Variants in SCFD2 observed in about 807,000 individuals in gnomAD.
SCFD2 encodes the protein sec1 family domain containing 2.
SCFD2 carries 54 observed loss-of-function variants against 58.9 expected under a neutral mutation model. The ratio of observed to expected loss-of-function variants is 0.92; its 90% CI spans 0.74 to 1.15. SCFD2 has a LOEUF of 1.15. Ranked by LOEUF, SCFD2 falls within the 50% of genes most tolerant of loss-of-function variation. SCFD2 has a pLI of 0.00. For missense variants in SCFD2, 805 were observed against 836.6 expected (o/e 0.96, Z 0.47); for synonymous variants, 321 against 335.9 (o/e 0.96, Z 0.49).
intron 4 of SCFD2, among the ~76,000 whole-genome samples, chr4:53,236,868 T>C (rs1298379610): frequency 1.3e-5 from 2 of 151,486 alleles, no homozygotes; most frequent in African/African-American, 4.9e-5. Context: ...TATTGATAAT[T>C]CTTGGGTGTT....
intron 4 of SCFD2, among the ~76,000 whole-genome samples, chr4:53,262,424 A>C (rs1730856578): frequency 6.6e-6 from 1 of 152,186 alleles, no homozygotes; most frequent in South Asian, 2.1e-4. Flanking sequence ...AACTCCTTTC[A>C]GCAGTCTTGT....
At chr4:53,247,887 A>T (rs1730159164) in intron 4 of SCFD2, among the ~76,000 whole-genome samples, 1 of 151,292 alleles carries the variant, frequency 6.6e-6, no homozygotes, top group African/African-American at 2.4e-5. Context: ...AAAAAAAAAA[A>T]AAAAAATAAC....
At chr4:52,954,845 TA>T (rs1720673945) in intron 5 of SCFD2, among the ~76,000 whole-genome samples, 1 of 152,170 alleles carries the variant, frequency 6.6e-6, no homozygotes, top group Non-Finnish European at 1.5e-5. Flanking sequence ...TTCCAGGCCA[TA>T]AAAGAGACAT....
intron 1 of SCFD2, among the ~76,000 whole-genome samples, chr4:53,361,874 A>C (rs1214519316): frequency 2.6e-5 from 4 of 152,152 alleles, no homozygotes; most frequent in African/African-American, 7.2e-5. Flanking sequence ...AATTAGAAAA[A>C]ATAAGTGTGT....
chr4:53,057,778 G>C (rs1723389702), intron 5 of SCFD2, among the ~76,000 whole-genome samples: 1 of 152,070 alleles, frequency 6.6e-6, no homozygotes, highest in Non-Finnish European at 1.5e-5. Context: ...AGAATAATTA[G>C]AGGCCTCTCA....
chr4:53,323,246 T>C (rs1352764699), intron 2 of SCFD2, among the ~76,000 whole-genome samples: 1 of 152,222 alleles, frequency 6.6e-6, no homozygotes, highest in Non-Finnish European at 1.5e-5. Context: ...ATTGCCCCTA[T>C]TATTAACTAT....
intron 4 of SCFD2, among the ~76,000 whole-genome samples, chr4:53,158,345 C>G (rs1390323783): frequency 6.6e-6 from 1 of 152,204 alleles, no homozygotes; most frequent in Non-Finnish European, 1.5e-5. Context: ...CCAGCCAAAA[C>G]TACCTATTGG....
At chr4:53,178,937 A>T (rs935608161) in intron 4 of SCFD2, among the ~76,000 whole-genome samples, 1 of 152,156 alleles carries the variant, frequency 6.6e-6, no homozygotes, top group Non-Finnish European at 1.5e-5. Flanking sequence ...AAGTGAGAAG[A>T]GAAGTTTAGA....
intron 4 of SCFD2, among the ~76,000 whole-genome samples, chr4:53,252,941 G>C (rs1220238253): frequency 1.3e-5 from 2 of 152,126 alleles, no homozygotes; most frequent in Non-Finnish European, 1.5e-5. Context: ...TACCATCAGA[G>C]TGAACAGGCA....
intron 3 of SCFD2, among the ~76,000 whole-genome samples, chr4:53,286,284 A>T (rs1422258263): frequency 6.6e-6 from 1 of 152,060 alleles, no homozygotes; most frequent in Non-Finnish European, 1.5e-5. Context: ...GACCCCCAGA[A>T]ATCTGAGCTT....
chr4:52,901,479 T>C (rs890019444), intron 7 of SCFD2, among the ~76,000 whole-genome samples: 1 of 152,184 alleles, frequency 6.6e-6, no homozygotes, highest in Non-Finnish European at 1.5e-5. Flanking sequence ...GCCCTTGGAA[T>C]GCAGCTGCCA....
At chr4:53,081,995 T>C (rs2148858710) in intron 5 of SCFD2, among the ~76,000 whole-genome samples, 1 of 152,328 alleles carries the variant, frequency 6.6e-6, no homozygotes, top group East Asian at 1.9e-4. Context: ...TGTAGCATAA[T>C]GTTTTTAAGG....
intron 7 of SCFD2, among the ~76,000 whole-genome samples, chr4:52,900,596 A>C (rs189540001): frequency 6.6e-6 from 1 of 152,162 alleles, no homozygotes; most frequent in East Asian, 1.9e-4. Context: ...TCAGGGACCC[A>C]CTTGAGGAGG....
intron 4 of SCFD2, among the ~76,000 whole-genome samples, chr4:53,256,291 G>A (rs1044350601): frequency 2.7e-5 from 4 of 149,670 alleles, no homozygotes; most frequent in Admixed American, 1.3e-4. Flanking sequence ...CAGATGGGGC[G>A]GCGGGGCAGA....
At chr4:53,295,723 A>G (rs1732005183) in intron 3 of SCFD2, among the ~76,000 whole-genome samples, 1 of 152,176 alleles carries the variant, frequency 6.6e-6, no homozygotes, top group African/African-American at 2.4e-5. Context: ...TTGGCTTTCA[A>G]AGGAAATGCT....
At chr4:53,249,122 G>A (rs923353240) in intron 4 of SCFD2, among the ~76,000 whole-genome samples, 5 of 152,196 alleles carry the variant, frequency 3.3e-5, no homozygotes, top group African/African-American at 4.8e-5. Context: ...GGAGCTGATG[G>A]AGCTGAAAGC....
At chr4:53,247,455 T>A (rs945083293) in intron 4 of SCFD2, among the ~76,000 whole-genome samples, 16 of 152,228 alleles carry the variant, frequency 1.1e-4, no homozygotes, top group Non-Finnish European at 2.1e-4. Flanking sequence ...TTCATTGCAC[T>A]ATTATTCACA....
At chr4:53,255,481 T>A (rs892603670) in intron 4 of SCFD2, among the ~76,000 whole-genome samples, 9 of 152,108 alleles carry the variant, frequency 5.9e-5, no homozygotes, top group African/African-American at 2.2e-4. Flanking sequence ...TTAATCCATT[T>A]AACCCTGAGT....
intron 5 of SCFD2, among the ~76,000 whole-genome samples, chr4:53,012,903 C>T (rs1465451291): frequency 6.6e-6 from 1 of 151,014 alleles, no homozygotes; most frequent in Non-Finnish European, 1.5e-5. Context: ...AGAGGAAATT[C>T]ATTACTCTGA....
Sources: gnomAD v4.1 joint callset for allele counts (sites outside exome capture counted in the v4.1 genomes callset) on GRCh38, gnomAD v4.1.1 for gene constraint, MANE v1.5 for transcripts, NCBI Gene and HGNC (gene_info 2026-07-23, HGNC 2026-07-21) for gene names.